ATP2C2: variants seen among roughly 807,000 people sequenced by gnomAD.
The protein encoded by ATP2C2 is ATPase secretory pathway Ca2+ transporting 2, also known as calcium-transporting ATPase type 2C member 2.
ATP2C2 carries 171 observed loss-of-function variants against 110.8 expected under a neutral mutation model. That is an observed-to-expected ratio of 1.54 (90% CI 1.36 to 1.75). ATP2C2 has a LOEUF of 1.75. Among genes scored for constraint, ATP2C2 ranks in the 40% most tolerant of loss-of-function variants. The pLI is 0.00. For synonymous variants in ATP2C2, 804 were observed against 508.4 expected (o/e 1.58, Z -7.82); for missense variants, 1,963 against 1,235.0 (o/e 1.59, Z -8.84).
At position 84,461,721 on chromosome 16, in the gene ATP2C2, A is replaced by C. The variant is rs200378207; in HGVS notation, c.2489A>C (p.Glu830Ala). Residue 830 changes from glutamate to alanine, a missense_variant, in exon 25 of 27, where the codon GAA becomes GCA. Physicochemically the swap from Glu to Ala is moderately radical, Grantham distance 107 (BLOSUM62 -1). Coordinates refer to ENST00000262429, the MANE Select transcript of ATP2C2 (RefSeq NM_014861.4). ...TTTGTGCTCACCTTCCAGATGCCTG[A>C]AGACAGAGCAAGCACTCCCCGCACC... is the stretch of plus-strand genomic sequence containing the variant. ...TLFIFWKEMP[E>A]DRASTPRTTT... 247 of 1,613,990 alleles carry C rather than the reference A, an allele frequency of 1.5e-4. 1 individual carries two copies. Among genetic ancestry groups the C allele is most frequent in the Non-Finnish European group, 2.0e-4 (236 of 1,179,964 alleles).
At chr16:84,427,609 C>A (rs948688923) in intron 11 of ATP2C2, among the ~76,000 whole-genome samples, 1 of 151,990 alleles carries the variant, frequency 6.6e-6, no homozygotes, top group African/African-American at 2.4e-5. Context: ...CCCAGCTACT[C>A]GGGAGGCTGA....
At chr16:84,418,323 T>G (rs1365104227) in intron 7 of ATP2C2, among the ~76,000 whole-genome samples, 3 of 151,986 alleles carry the variant, frequency 2.0e-5, no homozygotes, top group Non-Finnish European at 2.9e-5. Context: ...CCCTCACCCC[T>G]CCTTGCCCCT....
chr16:84,459,281 C>T lies in ATP2C2; in HGVS notation c.2228C>T (p.Ala743Val), dbSNP rs1267275653. 1.2e-6 allele frequency: 2 copies of T among 1,614,084 alleles called. No individual in the cohort carries two copies. The highest frequency in any genetic ancestry group is 1.3e-5 in the African/African-American group (1 of 74,934). ...VRFQLSTSIS[A>V]LSLITLSTVF... ...CGTGTGCCCCGCAGGAGCATCTCCG[C>T]CCTGAGTCTCATCACTCTGTCCACC... is the stretch of plus-strand genomic sequence containing the variant. The change falls in exon 23 of 27, where the codon GCC (alanine) becomes GTC (valine). Residue 743 changes from alanine (A) to valine (V), a missense_variant. Ala to Val is a moderately conservative substitution (Grantham distance 64). Coordinates refer to ENST00000262429, the MANE Select transcript of ATP2C2 (RefSeq NM_014861.4).
At chr16:84,385,312 G>A (rs1248772853) in intron 1 of ATP2C2, among the ~76,000 whole-genome samples, 1 of 152,114 alleles carries the variant, frequency 6.6e-6, no homozygotes, top group African/African-American at 2.4e-5. Flanking sequence ...CATTCGCGAG[G>A]ACAGTACTAA....
intron 4 of ATP2C2, 34 bp from the exon 5 acceptor site, chr16:84,410,534 C>G: frequency 1.2e-6 from 2 of 1,611,998 alleles, no homozygotes; most frequent in South Asian, 1.1e-5. Flanking sequence ...CACTGAGCCT[C>G]TGGTACTGAC....
intron 11 of ATP2C2, among the ~76,000 whole-genome samples, chr16:84,432,911 C>T (rs1908406991): frequency 6.6e-6 from 1 of 152,148 alleles, no homozygotes; most frequent in South Asian, 2.1e-4. Context: ...TCGACACTGT[C>T]CCCTGAGAGC....
intron 1 of ATP2C2, among the ~76,000 whole-genome samples, chr16:84,388,131 G>A (rs1904425779): frequency 6.6e-6 from 1 of 152,074 alleles, no homozygotes; most frequent in Non-Finnish European, 1.5e-5. Context: ...CAGGAGACCA[G>A]CCTGGCCAAA....
At chr16:84,373,690 G>C (rs1009786602) in intron 1 of ATP2C2, among the ~76,000 whole-genome samples, 4 of 152,112 alleles carry the variant, frequency 2.6e-5, no homozygotes, top group Non-Finnish European at 4.4e-5. Context: ...CTGCCTTAAA[G>C]GCTGCCCATT....
chr16:84,408,526 C>A (rs774000240), intron 4 of ATP2C2, 32 bp downstream of exon 4: 6 of 1,573,244 alleles, frequency 3.8e-6, no homozygotes, highest in South Asian at 2.2e-5. Flanking sequence ...GGCTCCCGGG[C>A]GGGCAGCCAC....
At chr16:84,369,141 G>A (rs560065455) in intron 1 of ATP2C2, among the ~76,000 whole-genome samples, 1 of 152,338 alleles carries the variant, frequency 6.6e-6, no homozygotes, top group East Asian at 1.9e-4. Flanking sequence ...TTGCTGAAAT[G>A]TTGTAGCAAT....
chr16:84,388,494 C>G lies in ATP2C2; in HGVS notation c.100-10005C>G, dbSNP rs555972127. On this transcript the variant is annotated intron_variant, in intron 1 of 26. Transcript: ENST00000262429. Reference sequence around the variant, plus strand: ...TCTAACAATTTCCAGGTGATGCTGGCCTGAGGCCCATACTCTGAGAATCCT... The same window carrying G: ...TCTAACAATTTCCAGGTGATGCTGGGCTGAGGCCCATACTCTGAGAATCCT... Among the ~76,000 whole-genome samples the G allele has an allele frequency of 2.0e-5, 3 of 152,266 alleles. No individual in the cohort carries two copies. The South Asian group carries it at 6.2e-4, about 32-fold the overall frequency.
At chr16:84,458,647 C>CG (rs1567463416) in intron 21 of ATP2C2, among the ~76,000 whole-genome samples, 8 of 152,194 alleles carry the variant, frequency 5.3e-5, no homozygotes, top group Non-Finnish European at 1.2e-4. Flanking sequence ...AAAAGGGCTT[C>CG]CGCGAAGAGC....
chr16:84,439,208 C>G lies in ATP2C2; in HGVS notation c.1029C>G (p.Val343=). The change falls in exon 12 of 27, where the codon GTC becomes GTG. Residue 343 remains valine, a synonymous_variant. Coordinates refer to ENST00000262429, the MANE Select transcript of ATP2C2 (RefSeq NM_014861.4). ...TTCCAGAGGGTCTGCCCATCGTCGTCATGGTGACGCTGGTCCTGGGAGTGC... is the reference window on the plus strand; with the variant it reads ...TTCCAGAGGGTCTGCCCATCGTCGTGATGGTGACGCTGGTCCTGGGAGTGC... The part of the protein sequence containing the change: ...AAIPEGLPIV[V]MVTLVLGVLR... The G allele has an allele frequency of 1.2e-6, 2 of 1,612,274 alleles. No individual in the cohort carries two copies. Among genetic ancestry groups the G allele is most frequent in the Non-Finnish European group, 1.7e-6 (2 of 1,180,030 alleles).
At chr16:84,462,156 G>C in intron 26 of ATP2C2, 27 bp downstream of exon 26, 4 of 1,600,636 alleles carry the variant, frequency 2.5e-6, no homozygotes, top group Middle Eastern at 1.8e-4. Context: ...GGAACGACAG[G>C]TGACCTCGAC....
At chr16:84,411,399 C>G (rs1049233116) in intron 6 of ATP2C2, among the ~76,000 whole-genome samples, 1 of 152,204 alleles carries the variant, frequency 6.6e-6, no homozygotes, top group African/African-American at 2.4e-5. Context: ...AGGAAATGTT[C>G]TATTAATATC....
intron 1 of ATP2C2, among the ~76,000 whole-genome samples, chr16:84,397,671 A>AAAAAAAAAAAAAAAAAAAC (rs1567694790): frequency 7.2e-6 from 1 of 139,514 alleles, no homozygotes; most frequent in East Asian, 2.1e-4. Flanking sequence ...AAAAAAAAAA[A>AAAAAAAAAAAAAAAAAAAC]AACTTGCTTA....
At chr16:84,424,164 C>A (rs1023912472) in intron 10 of ATP2C2, among the ~76,000 whole-genome samples, 3 of 152,250 alleles carry the variant, frequency 2.0e-5, no homozygotes, top group African/African-American at 4.8e-5. Flanking sequence ...GTAGCCAAAA[C>A]TGCGAAGCCA....
intron 1 of ATP2C2, among the ~76,000 whole-genome samples, chr16:84,376,935 C>A (rs571642277): frequency 6.6e-6 from 1 of 152,344 alleles, no homozygotes; most frequent in African/African-American, 2.4e-5. Flanking sequence ...CCAATCGATA[C>A]CTCCCCTGTG....
intron 10 of ATP2C2, among the ~76,000 whole-genome samples, chr16:84,424,298 G>T (rs1407795150): frequency 1.3e-5 from 2 of 152,050 alleles, no homozygotes; most frequent in African/African-American, 4.8e-5. Context: ...GAGGGGGCAG[G>T]AATGGAGTCT....
Sources: allele counts gnomAD v4.1 joint callset (sites outside exome capture counted in the v4.1 genomes callset), GRCh38; gene constraint gnomAD v4.1.1; transcripts MANE v1.5; gene names NCBI Gene and HGNC (gene_info 2026-07-23, HGNC 2026-07-21).